EVI5: variants seen among roughly 807,000 people sequenced by gnomAD.
The protein encoded by EVI5 is ecotropic viral integration site 5, also known as ecotropic viral integration site 5 protein homolog.
Under a neutral mutation model 112.0 loss-of-function variants are expected in EVI5, and 73 were observed. The ratio of observed to expected loss-of-function variants is 0.65; its 90% confidence interval spans 0.54 to 0.79. EVI5 has a LOEUF of 0.79. Ranked by LOEUF, EVI5 falls within the 30% of genes least tolerant of loss-of-function variation. EVI5 has a pLI of 0.00. For missense variants in EVI5, 900 were observed against 968.8 expected, an observed-to-expected ratio of 0.93 and a Z score of 0.94; for synonymous variants, 305 against 319.9, an observed-to-expected ratio of 0.95 and a Z score of 0.50.
At chr1:92,541,614 A>G (rs926226977) in intron 19 of EVI5, among the ~76,000 whole-genome samples, 1 of 152,210 alleles carries the variant, frequency 6.6e-6, no homozygotes, top group Non-Finnish European at 1.5e-5. Context: ...ATTACTACGC[A>G]TATACTCAGA....
chr1:92,680,120 G>A (rs75281831), intron 9 of EVI5, among the ~76,000 whole-genome samples: 1 of 152,272 alleles, frequency 6.6e-6, no homozygotes, highest in South Asian at 2.1e-4. Flanking sequence ...TTAACAGAGT[G>A]ATCTTTTTTT....
chr1:92,782,355 T>A (rs1570954048), intron 1 of EVI5, among the ~76,000 whole-genome samples: 1 of 150,210 alleles, frequency 6.7e-6, no homozygotes, highest in East Asian at 2.0e-4. Flanking sequence ...AAATACAGAC[T>A]GAAAAAAATA....
chr1:92,643,291 C>CTT (rs34807551), intron 13 of EVI5, among the ~76,000 whole-genome samples: 7 of 123,064 alleles, frequency 5.7e-5, no homozygotes, highest in African/African-American at 9.5e-5. Context: ...TAACTCAAAT[C>CTT]TTTTTTTTTT....
chr1:92,583,040 T>C (rs1672200714), intron 18 of EVI5, among the ~76,000 whole-genome samples: 1 of 152,160 alleles, frequency 6.6e-6, no homozygotes, highest in African/African-American at 2.4e-5. Flanking sequence ...TCACAAATGC[T>C]TTTTAATACA....
chr1:92,596,217 C>T (rs368987881), intron 18 of EVI5, among the ~76,000 whole-genome samples: 1 of 151,976 alleles, frequency 6.6e-6, no homozygotes, highest in South Asian at 2.1e-4. Flanking sequence ...AAAAATTAGC[C>T]GGGCATGGTG....
At chr1:92,589,014 T>C (rs562768587) in intron 18 of EVI5, among the ~76,000 whole-genome samples, 52 of 152,274 alleles carry the variant, frequency 3.4e-4, no homozygotes, top group Admixed American at 1.0e-3. Flanking sequence ...TAGTGTGAGA[T>C]GGTATAAGAA....
chr1:92,614,560 G>A lies in EVI5; in HGVS notation c.1828-6833C>T, dbSNP rs535920694. 1.7e-4 allele frequency among the ~76,000 whole-genome samples: 26 copies of A among 152,002 alleles called. No individual in the cohort carries two copies. In the East Asian group the frequency reaches 4.6e-3, roughly 27 times the overall value. On this transcript the variant is annotated intron_variant, in intron 16 of 19. Coordinates refer to ENST00000684568, the MANE Select transcript of EVI5 (RefSeq NM_001350197.2). ...GGACACAATCTAATCAGCTGCCAGC[G>A]AATATAAAGCAGGCAGAAAAATGTG... is the stretch of plus-strand genomic sequence containing the variant.
intron 10 of EVI5, among the ~76,000 whole-genome samples, chr1:92,667,192 G>A (rs891978282): frequency 6.6e-6 from 1 of 152,174 alleles, no homozygotes; most frequent in Non-Finnish European, 1.5e-5. Flanking sequence ...GGCTCAGGGG[G>A]AAGACGGCCT....
chr1:92,520,945 T>C (rs1660817094), intron 19 of EVI5, among the ~76,000 whole-genome samples: 1 of 151,066 alleles, frequency 6.6e-6, no homozygotes, highest in South Asian at 2.1e-4. Context: ...AAAAAGCACG[T>C]ATGAGATTGC....
chr1:92,746,249 G>A (rs1679231325), intron 1 of EVI5, among the ~76,000 whole-genome samples: 2 of 152,182 alleles, frequency 1.3e-5, no homozygotes, highest in South Asian at 2.1e-4. Flanking sequence ...GTTGTGAATC[G>A]TTCTTTGCTC....
At chr1:92,742,360 A>G (rs894533500) in intron 1 of EVI5, among the ~76,000 whole-genome samples, 1 of 152,026 alleles carries the variant, frequency 6.6e-6, no homozygotes. Flanking sequence ...GTGCCCAGCT[A>G]ACATCACCAA....
At chr1:92,715,869 G>C (rs952392975) in intron 2 of EVI5, among the ~76,000 whole-genome samples, 1 of 152,172 alleles carries the variant, frequency 6.6e-6, no homozygotes, top group Non-Finnish European at 1.5e-5. Context: ...TAGCTCAGCA[G>C]TCTGATATCG....
intron 14 of EVI5, among the ~76,000 whole-genome samples, chr1:92,632,772 T>C (rs531851270): frequency 6.6e-6 from 1 of 152,286 alleles, no homozygotes; most frequent in East Asian, 1.9e-4. Context: ...TGTTAGGGTG[T>C]CAATTTTAGA....
chr1:92,635,076 G>A (rs1658453242), intron 14 of EVI5, among the ~76,000 whole-genome samples: 1 of 152,200 alleles, frequency 6.6e-6, no homozygotes, highest in African/African-American at 2.4e-5. Context: ...CGTGTGAGGT[G>A]TCAGTCTGCC....
rs550320653 is a variant in EVI5 at position 92,627,210 on chromosome 1, T to C, written c.1528-1276A>G. Among the ~76,000 whole-genome samples, 271 of 152,334 alleles carry C rather than the reference T, an allele frequency of 1.8e-3. 1 individual carries two copies. The highest frequency in any genetic ancestry group is 5.9e-3 in the African/African-American group (247 of 41,588). On this transcript the variant is annotated intron_variant, in intron 14 of 19. Coordinates refer to ENST00000684568, the MANE Select transcript of EVI5 (RefSeq NM_001350197.2). ...CTCAAAGTCCACTGAATTATTCTTA[T>C]GCCTTTGCATCCTCCTAGCTTAGCT...
rs1292064923 is a variant in EVI5 at position 92,740,379 on chromosome 1, T to G, written c.-81-3752A>C. Among the ~76,000 whole-genome samples, 3 of 152,192 alleles carry G rather than the reference T, an allele frequency of 2.0e-5. No individual in the cohort carries two copies. The East Asian group carries it at 5.8e-4, about 29-fold the overall frequency. On this transcript the variant is annotated intron_variant, in intron 1 of 19. Transcript: ENST00000684568. The stretch of plus-strand genomic sequence containing the variant: ...GCTTTATTTTCCGTCTCTTATTAGC[T>G]TCTCCAAAGTACCTGCTGTTTATCC...
At chr1:92,633,449 T>C (rs35361338) in intron 14 of EVI5, among the ~76,000 whole-genome samples, 2 of 152,202 alleles carry the variant, frequency 1.3e-5, no homozygotes. Context: ...TCTCTTTTGA[T>C]CTTTGTTGGT....
intron 16 of EVI5, among the ~76,000 whole-genome samples, 193 bp from the exon 17 acceptor site, chr1:92,607,920 C>T (rs940384746): frequency 4.0e-5 from 6 of 151,776 alleles, no homozygotes; most frequent in East Asian, 1.9e-4. Context: ...CTGAGGCGGG[C>T]GGATCACAAG....
chr1:92,689,700 C>G (rs1039513630), intron 9 of EVI5, among the ~76,000 whole-genome samples: 5 of 152,076 alleles, frequency 3.3e-5, no homozygotes, highest in African/African-American at 1.2e-4. Context: ...CCGGGTTAGA[C>G]TATAGATTAG....
Sources: allele counts gnomAD v4.1 joint callset (sites outside exome capture counted in the v4.1 genomes callset), GRCh38; gene constraint gnomAD v4.1.1; transcripts MANE v1.5; gene names NCBI Gene and HGNC (gene_info 2026-07-23, HGNC 2026-07-21).